The following CNOT2 variants were observed in gnomAD, a reference collection of about 807,000 sequenced individuals.
The protein encoded by CNOT2 is CC chemokine receptor 4-negative regulator of transcription 2.
In CNOT2, 7 loss-of-function variants were observed where a neutral mutation model predicts 72.1. The observed-to-expected ratio is 0.10, with a 90% CI of 0.06 to 0.18. The LOEUF (loss-of-function observed/expected upper bound fraction) is 0.18. Among genes scored for constraint, CNOT2 ranks in the 10% least tolerant of loss-of-function variants. CNOT2 has a pLI of 1.00. For synonymous variants in CNOT2, 196 were observed against 225.6 expected (o/e 0.87, Z 1.17); for missense variants, 345 against 660.3 (o/e 0.52, Z 5.23).
chr12:70,327,682 C>G (rs1444810827), intron 4 of CNOT2: 1 of 151,856 alleles, frequency 6.6e-6, no homozygotes, highest in Admixed American at 6.6e-5. Context: ...TTCAGGACAG[C>G]ATGTTTAGGG....
intron 1 of CNOT2, among the ~76,000 whole-genome samples, chr12:70,268,009 C>T (rs886316360): frequency 3.3e-5 from 5 of 152,182 alleles, no homozygotes; most frequent in South Asian, 2.1e-4. Context: ...TGACCCTTTA[C>T]GAAAAAGTTT....
At chr12:70,295,591 T>G (rs1181534753) in intron 2 of CNOT2, among the ~76,000 whole-genome samples, 2 of 152,190 alleles carry the variant, frequency 1.3e-5, no homozygotes, top group African/African-American at 4.8e-5. Flanking sequence ...TTTCTACTGT[T>G]ATATGTCCTT....
rs151034669 is a variant in CNOT2 at position 70,342,049 on chromosome 12, T to C, written c.1179-58T>C. ...GTTGGAGTCTTTGTTTTTCCTGAAA[T>C]AAAATTAGAAATCTCTTTTTCTGGA... On this transcript the variant is annotated intron_variant, in intron 11 of 15. Transcript: ENST00000229195. 1.7e-3 allele frequency: 1,785 copies of C among 1,072,624 alleles called. 6 individuals carry two copies. The highest frequency in any genetic ancestry group is 2.3e-3 in the Non-Finnish European group (1,562 of 688,470). The allele number at this position is 1,072,624 out of a possible 1,614,324, so 66.4% of individuals were successfully genotyped here.
intron 9 of CNOT2, chr12:70,337,720 TG>T (rs1420036901): frequency 1.7e-6 from 1 of 597,128 alleles, no homozygotes; most frequent in Non-Finnish European, 3.1e-6. Context: ...AAATTTCTGT[TG>T]AACTTCTCAG....
Position 70,304,627 on chromosome 12 carries a change from C to T in CNOT2, c.49-6268C>T, listed in dbSNP as rs141714506. ...CCGCCCCTACTGGGGGGTCAGGGACCCACTTGTGGAGGCAGTCTGCCCGTT... is the reference window on the plus strand; with the variant it reads ...CCGCCCCTACTGGGGGGTCAGGGACTCACTTGTGGAGGCAGTCTGCCCGTT... On this transcript the variant is annotated intron_variant, in intron 2 of 15. Coordinates refer to ENST00000229195, the MANE Select transcript of CNOT2 (RefSeq NM_014515.7). Among the ~76,000 whole-genome samples, 1,069 of 152,180 alleles carry T rather than the reference C, an allele frequency of 7.0e-3. 5 individuals are homozygous for T. The highest frequency in any genetic ancestry group is 0.023 in the African/African-American group (966 of 41,558).
chr12:70,312,211 T>A (rs979603232), intron 3 of CNOT2, among the ~76,000 whole-genome samples: 2 of 151,998 alleles, frequency 1.3e-5, no homozygotes, highest in Admixed American at 6.6e-5. Flanking sequence ...ATGTAACTTA[T>A]AATTGAATTA....
At position 70,338,500 on chromosome 12, in the gene CNOT2, G is replaced by A; in HGVS notation, c.958G>A (p.Asp320Asn). ...TACAGATGGACCCAAATTCCCTGGA[G>A]ATAAAAGTTCAACAACACAAAATAA... ...SSTDGPKFPG[D>N]KSSTTQNNNQ... The change falls in exon 10 of 16, where the codon GAT (aspartate) becomes AAT (asparagine). Residue 320 changes from aspartate to asparagine, a missense_variant. Transcript: ENST00000229195. 14 of 1,613,194 alleles carry A rather than the reference G, an allele frequency of 8.7e-6. No individual in the cohort carries two copies. The highest frequency in any genetic ancestry group is 1.2e-5 in the Non-Finnish European group (14 of 1,179,522).
At chr12:70,341,931 G>GAC (rs1026823245) in intron 11 of CNOT2, 176 bp from the exon 12 acceptor site, 21 of 617,400 alleles carry the variant, frequency 3.4e-5, no homozygotes, top group African/African-American at 2.6e-4. Flanking sequence ...ATATTTTACA[G>GAC]ACACACACAC....
At chr12:70,298,895 A>T (rs1490704592) in intron 2 of CNOT2, among the ~76,000 whole-genome samples, 1 of 152,228 alleles carries the variant, frequency 6.6e-6, no homozygotes, top group Non-Finnish European at 1.5e-5. Flanking sequence ...GAAGATAAAT[A>T]ATTTTTACTT....
At chr12:70,266,338 G>GCCTCAAACTCCTGA in intron 1 of CNOT2, among the ~76,000 whole-genome samples, 1 of 152,234 alleles carries the variant, frequency 6.6e-6, no homozygotes. Context: ...GGTCAGACTT[G>GCCTCAAACTCCTGA]CCTCAAACTC....
intron 1 of CNOT2, among the ~76,000 whole-genome samples, chr12:70,268,059 A>AT (rs1317376258): frequency 2.6e-5 from 4 of 151,974 alleles, no homozygotes; most frequent in African/African-American, 7.2e-5. Flanking sequence ...CATATTTTCC[A>AT]TTTTTTTCCC....
At chr12:70,339,041 TGTGTGTGTGC>T (rs1881100382) in intron 11 of CNOT2, among the ~76,000 whole-genome samples, 1 of 148,060 alleles carries the variant, frequency 6.8e-6, no homozygotes, top group African/African-American at 2.6e-5. Context: ...TGTGTGTGTG[TGTGTGTGTGC>T]ATGTGCATGT....
At chr12:70,304,434 G>A (rs970009746) in intron 2 of CNOT2, among the ~76,000 whole-genome samples, 1 of 152,218 alleles carries the variant, frequency 6.6e-6, no homozygotes. Flanking sequence ...AGGACCCTCA[G>A]CTGCAGGTCT....
chr12:70,268,024 A>C (rs1371634979), intron 1 of CNOT2, among the ~76,000 whole-genome samples: 1 of 152,008 alleles, frequency 6.6e-6, no homozygotes, highest in African/African-American at 2.4e-5. Flanking sequence ...AAGTTTGCCA[A>C]CTCCTGGTCT....
chr12:70,302,561 T>C (rs1593175015), intron 2 of CNOT2, among the ~76,000 whole-genome samples: 6 of 152,232 alleles, frequency 3.9e-5, no homozygotes, highest in Admixed American at 3.3e-4. Flanking sequence ...TCTAGTTTGA[T>C]TGCACTGTGG....
At chr12:70,289,246 G>GT (rs970784587) in intron 2 of CNOT2, among the ~76,000 whole-genome samples, 45 of 151,914 alleles carry the variant, frequency 3.0e-4, no homozygotes, top group African/African-American at 1.0e-3. Flanking sequence ...AAATTGACGG[G>GT]TTTTTTGCTT....
intron 2 of CNOT2, among the ~76,000 whole-genome samples, chr12:70,295,081 CT>C (rs1008524353): frequency 2.9e-4 from 44 of 152,234 alleles, no homozygotes; most frequent in African/African-American, 1.0e-3. Context: ...CACTACCTTA[CT>C]TTTGAGCTTC....
At chr12:70,268,329 C>T (rs751953093) in intron 1 of CNOT2, among the ~76,000 whole-genome samples, 9 of 152,160 alleles carry the variant, frequency 5.9e-5, no homozygotes, top group Non-Finnish European at 1.0e-4. Flanking sequence ...TTCCAGTTTG[C>T]CATACTTTTT....
At chr12:70,341,416 A>G (rs546315727) in intron 11 of CNOT2, among the ~76,000 whole-genome samples, 30 of 152,222 alleles carry the variant, frequency 2.0e-4, no homozygotes, top group African/African-American at 6.3e-4. Context: ...ATAGCCTTCA[A>G]ATCTTCAGAT....
Sources: allele counts gnomAD v4.1 joint callset (sites outside exome capture counted in the v4.1 genomes callset), GRCh38; gene constraint gnomAD v4.1.1; transcripts MANE v1.5; gene names NCBI Gene and HGNC (gene_info 2026-07-23, HGNC 2026-07-21).